Variants in FAM221B observed in about 807,000 individuals in gnomAD.
FAM221B encodes protein FAM221B.
FAM221B carries 35 observed loss-of-function variants against 39.8 expected under a neutral mutation model. That is an observed-to-expected ratio of 0.88 (90% CI 0.67 to 1.17). The LOEUF is 1.17. Among genes scored for constraint, FAM221B ranks in the 50% most tolerant of loss-of-function variants. The probability of loss-of-function intolerance (pLI) is 0.00; values close to 1 mark genes in which losing one functional copy is unlikely to be tolerated. For synonymous variants in FAM221B, 158 were observed against 178.1 expected (o/e 0.89, Z 0.90); for missense variants, 479 against 503.1 (o/e 0.95, Z 0.46).
rs1181688423 is a variant in FAM221B, at chr9:35,818,443, T to C, written c.*26A>G. 27 of 1,551,204 alleles carry C rather than the reference T, an allele frequency of 1.7e-5. No individual in the cohort carries two copies. The highest frequency in any genetic ancestry group is 2.0e-5 in the Non-Finnish European group (23 of 1,146,640). On this transcript the variant is annotated 3_prime_UTR_variant, in exon 7 of 7. Transcript: ENST00000423537. ...AGCCAAGTCAGGTTCCAATGACTCCTCTTTTATTGCTGATCTGGGCCAGAC... is the reference window on the plus strand; with the variant it reads ...AGCCAAGTCAGGTTCCAATGACTCCCCTTTTATTGCTGATCTGGGCCAGAC...
intron 1 of FAM221B, among the ~76,000 whole-genome samples, chr9:35,827,753 C>G (rs1460172687): frequency 6.6e-6 from 1 of 152,214 alleles, no homozygotes; most frequent in Non-Finnish European, 1.5e-5. Flanking sequence ...ACTTTCCGTG[C>G]TCCCTACTTT....
chr9:35,818,151 T>A lies in FAM221B; in HGVS notation c.*318A>T. ...CTGCACTCTCCGATGTTCCCAAAGA[T>A]CTTCTAATTGCAAAACCCAATGGAC... On this transcript the variant is annotated 3_prime_UTR_variant, in exon 7 of 7. Coordinates refer to ENST00000423537, the MANE Select transcript of FAM221B (RefSeq NM_001012446.4). The A allele has an allele frequency of 2.7e-6, 1 of 366,418 alleles. No individual in the cohort carries two copies. The highest frequency in any genetic ancestry group is 5.1e-6 in the Non-Finnish European group (1 of 195,740). The allele number at this position is 366,418 out of a possible 1,614,324, so 22.7% of individuals were successfully genotyped here. A position where few individuals can be genotyped will look rare whatever the true frequency, so the allele number is the denominator to read the frequency against.
chr9:35,821,298 A>G (rs533153931), intron 3 of FAM221B: 1 of 515,620 alleles, frequency 1.9e-6, no homozygotes, highest in Admixed American at 3.6e-5. Flanking sequence ...CATTCCTTCA[A>G]GAGGAAGAGA....
chr9:35,819,145 A>C, intron 5 of FAM221B, 52 bp downstream of exon 5: 3 of 1,535,660 alleles, frequency 2.0e-6, no homozygotes, highest in Non-Finnish European at 2.6e-6. Context: ...CCCAGATTGC[A>C]TCCTATCCCC....
At chr9:35,818,568 T>C (rs1829064025) in intron 6 of FAM221B, 62 bp from the exon 7 acceptor site, 5 of 1,495,682 alleles carry the variant, frequency 3.3e-6, no homozygotes, top group Non-Finnish European at 4.6e-6. Context: ...GAGGCCAGGC[T>C]GGAGACCGTG....
chr9:35,819,960 G>A lies in FAM221B; in HGVS notation c.783C>T (p.Asp261=). 6.2e-7 allele frequency: 1 copy of A among 1,613,960 alleles called. No homozygotes were observed. Among genetic ancestry groups the A allele is most frequent in the Non-Finnish European group, 8.5e-7 (1 of 1,179,930 alleles). ...TGGACTCATCCCCAATCCGGAAACA[G>A]TCCCATAGGTAATGGGGGCAGCGCC... is the stretch of plus-strand genomic sequence containing the variant. The part of the protein sequence containing the change: ...IGWRCPHYLW[D]CFRIGDESRC... Residue 261 remains aspartate, a synonymous_variant, in exon 4 of 7, where the codon GAC becomes GAT. Transcript: ENST00000423537.
chr9:35,816,862 G>A lies in FAM221B; in HGVS notation c.*1607C>T, dbSNP rs1829034426. 1 of 152,146 alleles carries A rather than the reference G, an allele frequency of 6.6e-6. No individual in the cohort carries two copies. Among genetic ancestry groups the A allele is most frequent in the South Asian group, 2.1e-4 (1 of 4,826 alleles). 9.4% of individuals were successfully genotyped at this position (152,146 alleles called of 1,614,324 possible). A position where few individuals can be genotyped will look rare whatever the true frequency, so the allele number is the denominator to read the frequency against. On this transcript the variant is annotated 3_prime_UTR_variant, in exon 7 of 7. Coordinates refer to ENST00000423537, the MANE Select transcript of FAM221B (RefSeq NM_001012446.4). ...AACAGATGGCCCCCCTAATTGTGAG[G>A]AAATGTAGAATGGCCTCTTCTCTGG...
At chr9:35,822,084 C>T (rs1564006320) in intron 3 of FAM221B, among the ~76,000 whole-genome samples, 1 of 152,178 alleles carries the variant, frequency 6.6e-6, no homozygotes, top group South Asian at 2.1e-4. Flanking sequence ...CAGCCTAGCC[C>T]TCTCTCCTGA....
intron 3 of FAM221B, chr9:35,821,439 C>T (rs1340711123): frequency 7.3e-7 from 1 of 1,367,788 alleles, no homozygotes; most frequent in Non-Finnish European, 9.8e-7. Flanking sequence ...TTGTCTTACC[C>T]ATAGTCTGTC....
At chr9:35,823,951 C>T (rs887251407) in intron 3 of FAM221B, among the ~76,000 whole-genome samples, 2 of 151,656 alleles carry the variant, frequency 1.3e-5, no homozygotes, top group Admixed American at 1.3e-4. Flanking sequence ...AGATGTGAGC[C>T]ACCTTGCCAG....
At chr9:35,822,004 A>T (rs1462988924) in intron 3 of FAM221B, among the ~76,000 whole-genome samples, 1 of 152,212 alleles carries the variant, frequency 6.6e-6, no homozygotes, top group Admixed American at 6.5e-5. Flanking sequence ...TCACATTTGC[A>T]TGATGACATC....
Position 35,818,376 on chromosome 9 carries a change from A to G in FAM221B, c.*93T>C. On this transcript the variant is annotated 3_prime_UTR_variant, in exon 7 of 7. Transcript: ENST00000423537. ...TAATAGGTGTCAACTCTAAGTTATT[A>G]GGCAGTCTCTCCCTGGGCTGGGATC... 8.4e-7 allele frequency: 1 copy of G among 1,183,444 alleles called. No individual in the cohort carries two copies. The highest frequency in any genetic ancestry group is 1.2e-6 in the Non-Finnish European group (1 of 813,384). 73.3% of individuals were successfully genotyped at this position (1,183,444 alleles called of 1,614,324 possible).
Position 35,818,970 on chromosome 9 carries a change from G to A in FAM221B, c.1091C>T (p.Ala364Val), listed in dbSNP as rs150126590. Residue 364 changes from alanine (A) to valine (V), a missense_variant, in exon 6 of 7, where the codon GCG becomes GTG. Coordinates refer to ENST00000423537, the MANE Select transcript of FAM221B (RefSeq NM_001012446.4). ...TTCCTCCCAGCGCCGGTCACAGGCC[G>A]CACAGAGGAAATTAGACTCAAAACA... ...CGCFESNFLC[A>V]ACDRRWEEHE... The A allele has an allele frequency of 9.0e-5, 140 of 1,551,660 alleles. No homozygotes were observed. The highest frequency in any genetic ancestry group is 4.5e-4 in the South Asian group (38 of 84,060).
chr9:35,824,809 G>A (rs1457654227), intron 3 of FAM221B, among the ~76,000 whole-genome samples: 1 of 151,880 alleles, frequency 6.6e-6, no homozygotes, highest in African/African-American at 2.4e-5. Flanking sequence ...AGCCTCCCGA[G>A]TAGCTGGGAC....
In FAM221B at chr9:35,825,699, G is replaced by A. The variant is rs774616330; in HGVS notation, c.463C>T (p.His155Tyr). 1.9e-6 allele frequency: 3 copies of A among 1,614,100 alleles called. No individual in the cohort carries two copies. The highest frequency in any genetic ancestry group is 4.5e-5 in the East Asian group (2 of 44,902). Residue 155 changes from histidine (H) to tyrosine (Y), a missense_variant, in exon 2 of 7, where the codon CAC (histidine) becomes TAC (tyrosine). Coordinates refer to ENST00000423537, the MANE Select transcript of FAM221B (RefSeq NM_001012446.4). This position sits in a 1 kb window ranked among gnomAD's most constrained non-coding sequence, Gnocchi z 4.2. ...HLSESESLPEHCLSGPSSQVQ... is the reference protein window; with the variant it reads ...HLSESESLPEYCLSGPSSQVQ... ...TGGGATGAAGGGCCTGAAAGACAGT[G>A]TTCTGGAAGGCTCTCAGATTCAGAG...
intron 3 of FAM221B, among the ~76,000 whole-genome samples, chr9:35,822,537 A>G (rs1829173976): frequency 2.6e-5 from 4 of 152,044 alleles, no homozygotes; most frequent in Admixed American, 2.6e-4. Flanking sequence ...CCTCCCAAGT[A>G]GCTGGGATTA....
At chr9:35,819,088 C>A (rs1427769549) in intron 5 of FAM221B, 79 bp from the exon 6 acceptor site, 2 of 1,541,622 alleles carry the variant, frequency 1.3e-6, no homozygotes, top group Admixed American at 3.9e-5. Context: ...ATCTCTTCCT[C>A]AGTGACCGCA....
chr9:35,828,292 AAACAAC>A lies in FAM221B; in HGVS notation c.-1+165_-1+170del, dbSNP rs372358720. Among the ~76,000 whole-genome samples the A allele has an allele frequency of 4.8e-3, 613 of 126,540 alleles. 3 individuals are homozygous for A. The highest frequency in any genetic ancestry group is 0.014 in the African/African-American group (466 of 32,274). The allele number at this position is 126,540 out of a possible 152,430, so 83.0% of individuals were successfully genotyped here. Reference sequence around the variant, plus strand: ...GGGGGACAGAGCGAGACTCTGTCTCAAACAACAACAACAACAACAACAACAACAACA... The same window carrying A: ...GGGGGACAGAGCGAGACTCTGTCTCAAACAACAACAACAACAACAACAACA... On this transcript the variant is annotated intron_variant, in intron 1 of 6. Coordinates refer to ENST00000423537, the MANE Select transcript of FAM221B (RefSeq NM_001012446.4). The surrounding 1 kb of genome is among the most constrained non-coding windows in gnomAD (Gnocchi z 4.5).
chr9:35,825,407 G>C lies in FAM221B; in HGVS notation c.599-34C>G. 1 of 1,613,126 alleles carries C rather than the reference G, an allele frequency of 6.2e-7. No individual in the cohort carries two copies. The highest frequency in any genetic ancestry group is 8.5e-7 in the Non-Finnish European group (1 of 1,179,804). ...GGAGAGGATGAGTAACCAGGGGGAAGTGAGAAGGCCCTAAAACTAAGAGAA... is the reference window on the plus strand; with the variant it reads ...GGAGAGGATGAGTAACCAGGGGGAACTGAGAAGGCCCTAAAACTAAGAGAA... On this transcript the variant is annotated intron_variant, in intron 2 of 6. Transcript: ENST00000423537. This position sits in a 1 kb window ranked among gnomAD's most constrained non-coding sequence, Gnocchi z 4.2.
Sources: allele counts gnomAD v4.1 joint callset (sites outside exome capture counted in the v4.1 genomes callset), GRCh38; gene constraint gnomAD v4.1.1; non-coding constraint Gnocchi (gnomAD v3.1); transcripts MANE v1.5; gene names NCBI Gene and HGNC (gene_info 2026-07-23, HGNC 2026-07-21).